TRIM36: variants seen among roughly 807,000 people sequenced by gnomAD.
TRIM36 encodes tripartite motif containing 36.
In TRIM36, 42 loss-of-function variants were observed where a neutral mutation model predicts 72.4. The ratio of observed to expected loss-of-function variants is 0.58; its 90% CI spans 0.45 to 0.75. The LOEUF is 0.75. Ranked by LOEUF, TRIM36 falls within the 30% of genes least tolerant of loss-of-function variation. The pLI, the probability that TRIM36 is intolerant of heterozygous loss-of-function variation, is 0.00. For missense variants in TRIM36, 913 were observed against 857.1 expected (o/e 1.07, Z -0.81); for synonymous variants, 315 against 282.8 (o/e 1.11, Z -1.14).
At chr5:115,167,634 T>C (rs1356487529) in intron 1 of TRIM36, among the ~76,000 whole-genome samples, 2 of 152,210 alleles carry the variant, frequency 1.3e-5, no homozygotes, top group East Asian at 1.9e-4. Context: ...TCTTTGTCCA[T>C]ACCACTAGCA....
At chr5:115,169,497 C>T in intron 1 of TRIM36, 111 bp downstream of exon 1, 4 of 1,231,726 alleles carry the variant, frequency 3.2e-6, no homozygotes, top group Non-Finnish European at 4.4e-6. Context: ...ACACGCCTGC[C>T]TTTGCTCTCC....
At chr5:115,166,046 C>T (rs574523436) in intron 1 of TRIM36, among the ~76,000 whole-genome samples, 26 of 152,256 alleles carry the variant, frequency 1.7e-4, no homozygotes, top group Middle Eastern at 3.4e-3. Context: ...GGTGACTCAA[C>T]GTGGTACTGC....
At chr5:115,166,212 A>T (rs1259362310) in intron 1 of TRIM36, among the ~76,000 whole-genome samples, 1 of 152,146 alleles carries the variant, frequency 6.6e-6, no homozygotes, top group Non-Finnish European at 1.5e-5. Flanking sequence ...CACTGACTGG[A>T]GTGAAAACTT....
intron 3 of TRIM36, among the ~76,000 whole-genome samples, chr5:115,145,931 A>C (rs746603216): frequency 1.3e-5 from 2 of 152,240 alleles, no homozygotes; most frequent in Non-Finnish European, 2.9e-5. Flanking sequence ...GCATTTGCCT[A>C]TACCATTTTG....
At chr5:115,139,015 T>A (rs556983512) in intron 5 of TRIM36, among the ~76,000 whole-genome samples, 18 of 151,794 alleles carry the variant, frequency 1.2e-4, no homozygotes, top group Non-Finnish European at 2.2e-4. Flanking sequence ...GAGATGGGGT[T>A]TCACCGTGTT....
intron 2 of TRIM36, among the ~76,000 whole-genome samples, chr5:115,156,137 C>T (rs550702687): frequency 6.6e-6 from 1 of 152,086 alleles, no homozygotes; most frequent in South Asian, 2.1e-4. Flanking sequence ...AAGAAAACTA[C>T]AAAACACTGC....
intron 7 of TRIM36, among the ~76,000 whole-genome samples, chr5:115,135,211 C>T (rs1028839721): frequency 8.5e-5 from 13 of 152,076 alleles, no homozygotes; most frequent in Non-Finnish European, 1.2e-4. Context: ...AAGAACAATA[C>T]GCTATAAAAG....
intron 2 of TRIM36, among the ~76,000 whole-genome samples, 197 bp from the exon 3 acceptor site, chr5:115,147,591 T>C (rs935660825): frequency 4.6e-5 from 7 of 152,150 alleles, no homozygotes; most frequent in African/African-American, 7.2e-5. Flanking sequence ...GCCCAAGTTA[T>C]CAAATCAAAC....
intron 1 of TRIM36, chr5:115,177,699 C>G (rs1410789474): frequency 6.2e-7 from 1 of 1,613,348 alleles, no homozygotes; most frequent in Non-Finnish European, 8.5e-7. Context: ...GGAGCCTACT[C>G]CAGACCAACT....
Position 115,134,104 on chromosome 5 carries a change from A to T in TRIM36, c.1254T>A (p.Tyr418Ter). 1 of 1,612,570 alleles carries T rather than the reference A, an allele frequency of 6.2e-7. No homozygotes were observed. The highest frequency in any genetic ancestry group is 8.5e-7 in the Non-Finnish European group (1 of 1,179,454). ...GGTGCCAATTTATCAAGGCATTGTT[A>T]TAAACTTTGCTCTGTTCCTCATTGA... is the stretch of plus-strand genomic sequence containing the variant. ...PEINEEQSKV[Y>*]NNALINWHHP... The change falls in exon 8 of 10, where the codon TAT becomes TAA. Residue 418 changes from tyrosine to a stop codon, truncating the protein, a stop_gained. Coordinates refer to ENST00000513154, the MANE Select transcript of TRIM36 (RefSeq NM_001300759.2). LOFTEE classifies it high-confidence loss of function.
At chr5:115,132,182 CTA>C (rs1370696323) in intron 8 of TRIM36, among the ~76,000 whole-genome samples, 15 of 87,502 alleles carry the variant, frequency 1.7e-4, no homozygotes, top group Admixed American at 1.7e-3. Flanking sequence ...CTCTCTCTCT[CTA>C]TGTGTGTGTG....
intron 1 of TRIM36, chr5:115,168,837 T>A (rs908776748): frequency 6.6e-6 from 1 of 152,282 alleles, no homozygotes; most frequent in Non-Finnish European, 1.5e-5. Context: ...TTCCATTTTA[T>A]GTATAAATAT....
chr5:115,166,455 G>A (rs1020327428), intron 1 of TRIM36, among the ~76,000 whole-genome samples: 5 of 152,190 alleles, frequency 3.3e-5, no homozygotes, highest in African/African-American at 9.6e-5. Flanking sequence ...CTTCTCTGCT[G>A]AGAGCTGCAG....
Position 115,137,172 on chromosome 5 carries a change from C to A in TRIM36, c.1086-48G>T, listed in dbSNP as rs746470248. 3.9e-6 allele frequency: 6 copies of A among 1,528,242 alleles called. No homozygotes were observed. The South Asian group carries it at 7.6e-5, about 19-fold the overall frequency. The allele number at this position is 1,528,242 out of a possible 1,614,324, so 94.7% of individuals were successfully genotyped here. A position where few individuals can be genotyped will look rare whatever the true frequency, so the allele number is the denominator to read the frequency against. ...AAAATGTTTCTTTAAGAAGTCAAAT[C>A]AGACTAAATATCTGCAACATGATTA... On this transcript the variant is annotated intron_variant, in intron 6 of 9. Coordinates refer to ENST00000513154, the MANE Select transcript of TRIM36 (RefSeq NM_001300759.2).
At chr5:115,130,450 G>T (rs1003182463) in intron 9 of TRIM36, 142 bp downstream of exon 9, 43 of 831,310 alleles carry the variant, frequency 5.2e-5, no homozygotes, top group Non-Finnish European at 7.4e-5. Flanking sequence ...AGAATACCCG[G>T]CTCCTTTTCT....
chr5:115,178,214 T>C (rs1036756787), intron 1 of TRIM36, among the ~76,000 whole-genome samples: 3 of 152,222 alleles, frequency 2.0e-5, no homozygotes, highest in African/African-American at 7.2e-5. Context: ...CAATTCTGGC[T>C]TACTTTGAAG....
intron 5 of TRIM36, 126 bp downstream of exon 5, chr5:115,141,153 G>A: frequency 3.1e-6 from 2 of 648,038 alleles, no homozygotes; most frequent in Non-Finnish European, 5.1e-6. Context: ...AGAAAAGCAG[G>A]GGTGAAATCT....
chr5:115,146,102 T>C (rs1271824833), intron 3 of TRIM36, among the ~76,000 whole-genome samples: 2 of 152,180 alleles, frequency 1.3e-5, no homozygotes, highest in Non-Finnish European at 2.9e-5. Context: ...TTTTTAAAAA[T>C]TGATGGTCTT....
At chr5:115,148,378 T>C in intron 2 of TRIM36, 1 of 980,446 alleles carries the variant, frequency 1.0e-6, no homozygotes. Flanking sequence ...TTACGACAGG[T>C]GCATGCATAT....
Sources: gnomAD v4.1 joint callset for allele counts (sites outside exome capture counted in the v4.1 genomes callset) on GRCh38, gnomAD v4.1.1 for gene constraint, MANE v1.5 for transcripts, NCBI Gene and HGNC (gene_info 2026-07-23, HGNC 2026-07-21) for gene names.